Variants in MAGI2 observed in about 807,000 individuals in gnomAD.
MAGI2 encodes membrane associated guanylate kinase, WW and PDZ domain containing 2, also known as membrane-associated guanylate kinase, WW and PDZ domain-containing protein 2.
MAGI2 carries 35 observed loss-of-function variants against 133.3 expected under a neutral mutation model. That is an observed-to-expected ratio of 0.26 (90% CI 0.20 to 0.35). MAGI2 has a LOEUF of 0.35. Ranked by LOEUF, MAGI2 falls within the 10% of genes least tolerant of loss-of-function variation. The pLI, the probability that MAGI2 is intolerant of heterozygous loss-of-function variation, is 1.00. For synonymous variants in MAGI2, 729 were observed against 710.6 expected (o/e 1.03, Z -0.41); for missense variants, 1,636 against 1,863.4 (o/e 0.88, Z 2.25).
chr7:78,545,659 A>G (rs879344963), intron 3 of MAGI2, among the ~76,000 whole-genome samples: 1 of 152,230 alleles, frequency 6.6e-6, no homozygotes. Context: ...ATACATGGTA[A>G]GAGTATTTTG....
At chr7:79,061,338 T>C (rs556141740) in intron 1 of MAGI2, among the ~76,000 whole-genome samples, 1 of 151,982 alleles carries the variant, frequency 6.6e-6, no homozygotes, top group East Asian at 1.9e-4. Context: ...TTTCATTATA[T>C]GACACTCGTT....
At chr7:78,692,578 A>T (rs1817081383) in intron 2 of MAGI2, among the ~76,000 whole-genome samples, 1 of 152,208 alleles carries the variant, frequency 6.6e-6, no homozygotes, top group Non-Finnish European at 1.5e-5. Context: ...TTCTGGTTAG[A>T]CAATAACCAG....
intron 2 of MAGI2, among the ~76,000 whole-genome samples, chr7:78,725,111 A>C (rs1820639720): frequency 6.6e-6 from 1 of 152,216 alleles, no homozygotes. Flanking sequence ...CCTGCAGATA[A>C]AATGTCTTTT....
At position 78,916,005 on chromosome 7, in the gene MAGI2, G is replaced by A. The variant is rs28713300; in HGVS notation, c.418+91085C>T. On this transcript the variant is annotated intron_variant, in intron 2 of 21. Coordinates refer to ENST00000354212, the MANE Select transcript of MAGI2 (RefSeq NM_012301.4). ...AAGAATCATCATTATTGTAACATAC[G>A]TTTTTATATAAGAGAGATGGATTAT... Among the ~76,000 whole-genome samples the A allele has an allele frequency of 9.6e-3, 1,462 of 152,044 alleles. 27 individuals are homozygous for A. Among genetic ancestry groups the A allele is most frequent in the African/African-American group, 0.033 (1,361 of 41,464 alleles).
intron 2 of MAGI2, among the ~76,000 whole-genome samples, chr7:78,827,194 C>T (rs1410899342): frequency 6.6e-6 from 1 of 152,138 alleles, no homozygotes; most frequent in African/African-American, 2.4e-5. Flanking sequence ...TAGCAAGAAG[C>T]CTACCTAGGG....
At chr7:78,823,580 C>CAAAAAAAAA (rs1166858938) in intron 2 of MAGI2, among the ~76,000 whole-genome samples, 1 of 91,864 alleles carries the variant, frequency 1.1e-5, no homozygotes, top group Non-Finnish European at 2.1e-5. Flanking sequence ...GACTCCGTCT[C>CAAAAAAAAA]AAAAAAAAAA....
At chr7:79,312,572 C>T (rs942628363) in intron 1 of MAGI2, among the ~76,000 whole-genome samples, 2 of 152,148 alleles carry the variant, frequency 1.3e-5, no homozygotes, top group Non-Finnish European at 2.9e-5. Flanking sequence ...GCTTTGAATT[C>T]ATAACTAATA....
chr7:78,562,866 A>G (rs139575961), intron 3 of MAGI2, among the ~76,000 whole-genome samples: 21 of 152,286 alleles, frequency 1.4e-4, no homozygotes, highest in Admixed American at 8.5e-4. Context: ...GTCTTCTGCT[A>G]CTGAATTTTT....
intron 3 of MAGI2, among the ~76,000 whole-genome samples, chr7:78,559,983 G>T (rs62468624): frequency 0.1 from 15,167 of 152,030 alleles, 985 homozygotes; most frequent in Non-Finnish European, 0.15. Context: ...ATAAATAAAG[G>T]TATCTACATG....
chr7:78,086,870 A>G (rs1462723621), intron 20 of MAGI2, among the ~76,000 whole-genome samples: 1 of 152,028 alleles, frequency 6.6e-6, no homozygotes, highest in African/African-American at 2.4e-5. Context: ...ACTGAGCTCA[A>G]GTGATCCACC....
chr7:79,028,670 C>T (rs1264138594), intron 1 of MAGI2, among the ~76,000 whole-genome samples: 2 of 151,904 alleles, frequency 1.3e-5, no homozygotes, highest in African/African-American at 4.8e-5. Flanking sequence ...CAATTACATC[C>T]CTGCCTAATT....
chr7:78,398,524 G>A (rs911784923), intron 6 of MAGI2, among the ~76,000 whole-genome samples: 3 of 152,040 alleles, frequency 2.0e-5, no homozygotes, highest in South Asian at 2.1e-4. Flanking sequence ...ATAGACCCCC[G>A]ACCTCCCTTT....
In MAGI2 at chr7:78,444,658, C is replaced by T. The variant is rs992747242; in HGVS notation, c.1045+45103G>A. ...ATAAAAATTGTTTCATAATATGATC[C>T]TGATGTCATTTATTTTATATTAAGT... On this transcript the variant is annotated intron_variant, in intron 6 of 21. Transcript: ENST00000354212. Among the ~76,000 whole-genome samples, 5 of 151,802 alleles carry T rather than the reference C, an allele frequency of 3.3e-5. No homozygotes were observed. The East Asian group carries it at 5.8e-4, about 18-fold the overall frequency.
intron 1 of MAGI2, among the ~76,000 whole-genome samples, chr7:79,271,011 C>G (rs1261906817): frequency 6.6e-6 from 1 of 152,124 alleles, no homozygotes; most frequent in South Asian, 2.1e-4. Context: ...TTTACTGCTT[C>G]CTCTCTGTCT....
chr7:78,314,356 G>A (rs1040813884), intron 9 of MAGI2, among the ~76,000 whole-genome samples: 2 of 152,036 alleles, frequency 1.3e-5, no homozygotes, highest in South Asian at 2.1e-4. Flanking sequence ...CTCTAAAAGA[G>A]GATAAAACAA....
At chr7:79,039,127 TC>T in intron 1 of MAGI2, among the ~76,000 whole-genome samples, 1 of 152,002 alleles carries the variant, frequency 6.6e-6, no homozygotes, top group Non-Finnish European at 1.5e-5. Context: ...TTCCCCCTGC[TC>T]CCCCCATGCT....
At chr7:78,672,651 C>T (rs1814533822) in intron 2 of MAGI2, among the ~76,000 whole-genome samples, 2 of 152,178 alleles carry the variant, frequency 1.3e-5, no homozygotes, top group African/African-American at 2.4e-5. Flanking sequence ...AATTAAATAG[C>T]AGTTCTCAAA....
chr7:79,180,087 A>G (rs1826476808), intron 1 of MAGI2, among the ~76,000 whole-genome samples: 1 of 152,032 alleles, frequency 6.6e-6, no homozygotes, highest in South Asian at 2.1e-4. Flanking sequence ...AAATAGCCCC[A>G]TTAAAAAGTG....
chr7:78,600,096 C>G (rs113423784), intron 3 of MAGI2, among the ~76,000 whole-genome samples: 1 of 152,064 alleles, frequency 6.6e-6, no homozygotes, highest in Non-Finnish European at 1.5e-5. Context: ...AAATTGGATA[C>G]CTTTTTGTAA....
Sources: gnomAD v4.1 joint callset for allele counts (sites outside exome capture counted in the v4.1 genomes callset) on GRCh38, gnomAD v4.1.1 for gene constraint, MANE v1.5 for transcripts, NCBI Gene and HGNC (gene_info 2026-07-23, HGNC 2026-07-21) for gene names.